The following OR4N2 variants were observed in gnomAD, a reference collection of about 807,000 sequenced individuals.
OR4N2 encodes olfactory receptor family 4 subfamily N member 2, also known as olfactory receptor 4N2.
For synonymous variants in OR4N2, 141 were observed against 140.4 expected (o/e 1.00, Z -0.03); for missense variants, 307 against 377.6 (o/e 0.81, Z 1.55).
Position 19,828,849 on chromosome 14 carries a change from A to T in OR4N2, c.*477A>T. ...GAACTTGGTATATTTGAAGAATACA[A>T]TAAAGTCCATGTTACCCGGAATATA... is the stretch of plus-strand genomic sequence containing the variant. On this transcript the variant is annotated 3_prime_UTR_variant, in exon 2 of 2. Transcript: ENST00000557677. 6.1e-6 allele frequency: 1 copy of T among 163,016 alleles called. No homozygotes were observed. Among genetic ancestry groups the T allele is most frequent in the Non-Finnish European group, 1.4e-5 (1 of 73,830 alleles). 10.1% of individuals were successfully genotyped at this position (163,016 alleles called of 1,614,324 possible). A position where few individuals can be genotyped will look rare whatever the true frequency, so the allele number is the denominator to read the frequency against.
At chr14:19,820,458 G>T (rs111466255) in intron 1 of OR4N2, among the ~76,000 whole-genome samples, 1 of 152,370 alleles carries the variant, frequency 6.6e-6, no homozygotes, top group East Asian at 1.9e-4. Context: ...TGCATTAGCT[G>T]TGTGGGAGAT....
chr14:19,812,610 G>T (rs1196062832), intron 1 of OR4N2, among the ~76,000 whole-genome samples: 1 of 152,054 alleles, frequency 6.6e-6, no homozygotes, highest in Admixed American at 6.5e-5. Context: ...CGCCCACCTC[G>T]GCCTCCCAAA....
intron 1 of OR4N2, among the ~76,000 whole-genome samples, chr14:19,825,288 G>C (rs1225060849): frequency 2.0e-5 from 3 of 152,308 alleles, no homozygotes; most frequent in East Asian, 3.9e-4. Context: ...TTCCATTCTA[G>C]GGATACATAA....
chr14:19,819,990 T>C (rs1272774200), intron 1 of OR4N2, among the ~76,000 whole-genome samples: 1 of 152,260 alleles, frequency 6.6e-6, no homozygotes, highest in Non-Finnish European at 1.5e-5. Context: ...CTCCAGACCC[T>C]GTTTTCCTGG....
At chr14:19,807,351 G>GA (rs1353729316) in intron 1 of OR4N2, among the ~76,000 whole-genome samples, 1 of 151,840 alleles carries the variant, frequency 6.6e-6, no homozygotes, top group Admixed American at 6.6e-5. Flanking sequence ...GATTAACATA[G>GA]AAAAAAAGCA....
chr14:19,806,023 T>C (rs1193720985), intron 1 of OR4N2, among the ~76,000 whole-genome samples: 3 of 152,154 alleles, frequency 2.0e-5, no homozygotes, highest in Non-Finnish European at 2.9e-5. Context: ...GAAAATAAAA[T>C]GCCAAGGTAA....
At chr14:19,824,172 C>A (rs4420453) in intron 1 of OR4N2, among the ~76,000 whole-genome samples, 42,076 of 148,788 alleles carry the variant, frequency 0.28, 2,961 homozygotes, top group African/African-American at 0.33. Context: ...CTTTACTCTG[C>A]TGATGCCATC....
chr14:19,815,845 G>A lies in OR4N2; in HGVS notation c.-9-11595G>A, dbSNP rs373316288. Among the ~76,000 whole-genome samples, 29 of 152,304 alleles carry A rather than the reference G, an allele frequency of 1.9e-4. No individual in the cohort carries two copies. The East Asian group carries it at 3.1e-3, about 16-fold the overall frequency. On this transcript the variant is annotated intron_variant, in intron 1 of 1. Coordinates refer to ENST00000557677, the MANE Select transcript of OR4N2 (RefSeq NM_001004723.3). ...TTATGGTTTTAGGTTTTCCGTTTAA[G>A]CCTTTAGTCCATCTTGAGTTAATTT...
At chr14:19,816,264 C>T (rs549894419) in intron 1 of OR4N2, among the ~76,000 whole-genome samples, 1 of 152,318 alleles carries the variant, frequency 6.6e-6, no homozygotes, top group South Asian at 2.1e-4. Context: ...ATGGGGATAG[C>T]ATTGAATCTG....
rs200009186 is a variant in OR4N2, at chr14:19,815,646, T to C, written c.-9-11794T>C. On this transcript the variant is annotated intron_variant, in intron 1 of 1. Transcript: ENST00000557677. ...GTTGACTGTCCACTCTGATGAGAGG[T>C]TTTTTTTTGTTTTTTTTTTTTTTGT... 7.4e-5 allele frequency among the ~76,000 whole-genome samples: 9 copies of C among 121,830 alleles called. No homozygotes were observed. In the East Asian group the frequency reaches 2.2e-3, roughly 30 times the overall value. 79.9% of individuals were successfully genotyped at this position (121,830 alleles called of 152,430 possible). A position where few individuals can be genotyped will look rare whatever the true frequency, so the allele number is the denominator to read the frequency against.
At chr14:19,825,746 G>A (rs1879680665) in intron 1 of OR4N2, among the ~76,000 whole-genome samples, 1 of 151,966 alleles carries the variant, frequency 6.6e-6, no homozygotes, top group Admixed American at 6.6e-5. Flanking sequence ...TTTTAGTAGA[G>A]ATAGGGTTTC....
chr14:19,811,758 T>TA (rs1879302528), intron 1 of OR4N2, among the ~76,000 whole-genome samples: 2 of 152,250 alleles, frequency 1.3e-5, no homozygotes, highest in Admixed American at 6.5e-5. Flanking sequence ...TTCATGTCTG[T>TA]AAAAAATTCT....
intron 1 of OR4N2, among the ~76,000 whole-genome samples, chr14:19,821,609 C>T (rs1206955042): frequency 6.6e-6 from 1 of 152,162 alleles, no homozygotes; most frequent in South Asian, 2.1e-4. Flanking sequence ...TATTTCTGGA[C>T]TAAAAAATAT....
At position 19,817,968 on chromosome 14, in the gene OR4N2, G is replaced by A. The variant is rs928930124; in HGVS notation, c.-9-9472G>A. 1.1e-4 allele frequency among the ~76,000 whole-genome samples: 17 copies of A among 152,346 alleles called. No individual in the cohort carries two copies. In the South Asian group the frequency reaches 3.1e-3, roughly 28 times the overall value. On this transcript the variant is annotated intron_variant, in intron 1 of 1. Coordinates refer to ENST00000557677, the MANE Select transcript of OR4N2 (RefSeq NM_001004723.3). ...TTACCCAGTAGTCATTCAGGAGCAG[G>A]TTGTTCAGTTTCCATGTGTTGTGCG...
intron 1 of OR4N2, among the ~76,000 whole-genome samples, chr14:19,825,836 G>C (rs1180669123): frequency 1.3e-5 from 2 of 152,180 alleles, no homozygotes; most frequent in African/African-American, 4.8e-5. Flanking sequence ...GGGATTACAG[G>C]CATGAGTCAT....
chr14:19,815,065 C>T (rs1375402441), intron 1 of OR4N2, among the ~76,000 whole-genome samples: 2 of 152,350 alleles, frequency 1.3e-5, no homozygotes, highest in Non-Finnish European at 1.5e-5. Context: ...TTTATCCAGT[C>T]TATGATTGAT....
chr14:19,821,615 A>T (rs1879567998), intron 1 of OR4N2, among the ~76,000 whole-genome samples: 1 of 152,250 alleles, frequency 6.6e-6, no homozygotes, highest in Non-Finnish European at 1.5e-5. Context: ...TGGACTAAAA[A>T]ATATGCTTCT....
intron 1 of OR4N2, among the ~76,000 whole-genome samples, chr14:19,812,500 T>TTTTGTTTG (rs531494706): frequency 6.7e-6 from 1 of 148,174 alleles, no homozygotes; most frequent in Admixed American, 6.7e-5. Flanking sequence ...GAGATAATTT[T>TTTTGTTTG]TTTGTTTGTT....
intron 1 of OR4N2, among the ~76,000 whole-genome samples, chr14:19,808,823 G>GAA (rs35794180): frequency 1.7e-3 from 247 of 149,418 alleles, no homozygotes; most frequent in African/African-American, 5.4e-3. Context: ...CAGAAATATT[G>GAA]AAAAAAAAAA....
Sources: gnomAD v4.1 joint callset for allele counts (sites outside exome capture counted in the v4.1 genomes callset) on GRCh38, gnomAD v4.1.1 for gene constraint, MANE v1.5 for transcripts, NCBI Gene and HGNC (gene_info 2026-07-23, HGNC 2026-07-21) for gene names.